Variants in ATRNL1 observed in about 807,000 individuals in gnomAD.
ATRNL1 encodes attractin like 1, also known as attractin-like protein 1.
ATRNL1 carries 95 observed loss-of-function variants against 182.7 expected under a neutral mutation model. The observed-to-expected ratio is 0.52, with a 90% CI of 0.44 to 0.62. The LOEUF (loss-of-function observed/expected upper bound fraction) is 0.62. Among genes scored for constraint, ATRNL1 ranks in the 20% least tolerant of loss-of-function variants. The pLI is 0.00. For synonymous variants in ATRNL1, 576 were observed against 568.3 expected (o/e 1.01, Z -0.19); for missense variants, 1,471 against 1,679.5 (o/e 0.88, Z 2.17).
chr10:115,654,495 A>G (rs1593015319), intron 26 of ATRNL1, among the ~76,000 whole-genome samples: 1 of 152,186 alleles, frequency 6.6e-6, no homozygotes, highest in East Asian at 1.9e-4. Context: ...CAGGGATTAC[A>G]GGCATGAGCA....
At chr10:115,422,686 AT>A (rs1434093145) in intron 20 of ATRNL1, among the ~76,000 whole-genome samples, 1 of 152,232 alleles carries the variant, frequency 6.6e-6, no homozygotes, top group Non-Finnish European at 1.5e-5. Flanking sequence ...ACTTGCAGCT[AT>A]AAAAAAAGAA....
intron 25 of ATRNL1, among the ~76,000 whole-genome samples, chr10:115,544,821 C>A (rs1852553542): frequency 6.6e-6 from 1 of 152,094 alleles, no homozygotes; most frequent in African/African-American, 2.4e-5. Context: ...CCAAGATTGT[C>A]AATAAAGACG....
chr10:115,361,602 A>G (rs1856751913), intron 19 of ATRNL1, among the ~76,000 whole-genome samples: 1 of 152,142 alleles, frequency 6.6e-6, no homozygotes, highest in Admixed American at 6.6e-5. Flanking sequence ...CTTCTTCACA[A>G]TCCTTTAAAA....
intron 20 of ATRNL1, among the ~76,000 whole-genome samples, chr10:115,425,042 G>T (rs1845821441): frequency 6.6e-6 from 1 of 151,860 alleles, no homozygotes; most frequent in African/African-American, 2.4e-5. Context: ...ATCATATTTT[G>T]ACTTTAATTT....
intron 28 of ATRNL1, among the ~76,000 whole-genome samples, chr10:115,876,578 C>T (rs1461650969): frequency 6.6e-6 from 1 of 152,102 alleles, no homozygotes; most frequent in Non-Finnish European, 1.5e-5. Flanking sequence ...GAAGTGAAAT[C>T]TCCAGATTGG....
chr10:115,192,127 T>G lies in ATRNL1; in HGVS notation c.1348+20835T>G, dbSNP rs1425586830. Among the ~76,000 whole-genome samples the G allele has an allele frequency of 2.6e-5, 4 of 152,148 alleles. No individual in the cohort carries two copies. The East Asian group carries it at 7.7e-4, about 29-fold the overall frequency. On this transcript the variant is annotated intron_variant, in intron 8 of 28. Transcript: ENST00000355044. ...TGTGATGCCTTTGCCCATTTTTTGC[T>G]TTGGTTACCTGTGCTTTTGAGGTCC...
chr10:115,519,365 G>T, intron 25 of ATRNL1, 41 bp downstream of exon 25: 1 of 1,501,768 alleles, frequency 6.7e-7, no homozygotes, highest in Non-Finnish European at 9.2e-7. Context: ...TTTCAAGCCT[G>T]TATTCTGATA....
intron 19 of ATRNL1, 125 bp downstream of exon 19, chr10:115,334,544 C>G (rs1855391494): frequency 1.9e-6 from 1 of 528,706 alleles, no homozygotes; most frequent in South Asian, 7.5e-5. Context: ...AGTATGTTTT[C>G]TAAAGTAATA....
At chr10:115,196,101 C>T (rs1450044743) in intron 8 of ATRNL1, among the ~76,000 whole-genome samples, 24 of 152,044 alleles carry the variant, frequency 1.6e-4, no homozygotes, top group Admixed American at 1.6e-3. Flanking sequence ...TTCAAGGCTA[C>T]AGTGAACTAT....
At chr10:115,592,843 A>G (rs1855994655) in intron 26 of ATRNL1, among the ~76,000 whole-genome samples, 1 of 152,196 alleles carries the variant, frequency 6.6e-6, no homozygotes, top group African/African-American at 2.4e-5. Context: ...ATAGTCAGCT[A>G]CATGTGCCTA....
intron 19 of ATRNL1, among the ~76,000 whole-genome samples, chr10:115,386,708 C>T (rs1193816753): frequency 2.0e-5 from 3 of 151,352 alleles, no homozygotes; most frequent in African/African-American, 7.3e-5. Flanking sequence ...TACATGTGCA[C>T]AATGTGCAGG....
chr10:115,453,820 A>C, intron 21 of ATRNL1, among the ~76,000 whole-genome samples: 1 of 145,872 alleles, frequency 6.9e-6, no homozygotes. Context: ...GGGGGGAGGG[A>C]TAGCATTAGG....
intron 25 of ATRNL1, among the ~76,000 whole-genome samples, chr10:115,537,339 C>A (rs1041778617): frequency 1.4e-4 from 22 of 152,148 alleles, no homozygotes; most frequent in Non-Finnish European, 3.1e-4. Flanking sequence ...TCAAACTTAA[C>A]ATGCTTTAAA....
intron 21 of ATRNL1, among the ~76,000 whole-genome samples, chr10:115,444,293 A>T (rs755433891): frequency 3.7e-4 from 56 of 152,130 alleles, no homozygotes; most frequent in Non-Finnish European, 7.1e-4. Context: ...ACAGTAATTA[A>T]GGCAGTGTAG....
At chr10:115,757,792 A>G (rs1948629369) in intron 27 of ATRNL1, among the ~76,000 whole-genome samples, 1 of 152,094 alleles carries the variant, frequency 6.6e-6, no homozygotes. Flanking sequence ...ACTGTCAGGT[A>G]CAACAGTCAA....
intron 26 of ATRNL1, among the ~76,000 whole-genome samples, chr10:115,554,176 T>C (rs1853176312): frequency 6.6e-6 from 1 of 151,532 alleles, no homozygotes; most frequent in South Asian, 2.1e-4. Flanking sequence ...AATATTTCAC[T>C]CAAATAAATG....
chr10:115,348,155 G>C (rs552533210), intron 19 of ATRNL1, among the ~76,000 whole-genome samples: 1 of 152,158 alleles, frequency 6.6e-6, no homozygotes, highest in African/African-American at 2.4e-5. Flanking sequence ...TGTATTTTTA[G>C]TAGAGATGGG....
In ATRNL1 at chr10:115,184,732, G is replaced by A. The variant is rs565564353; in HGVS notation, c.1348+13440G>A. 1.3e-5 allele frequency among the ~76,000 whole-genome samples: 2 copies of A among 151,592 alleles called. 1 individual carries two copies. The highest frequency in any genetic ancestry group is 3.9e-4 in the East Asian group (2 of 5,172). ...ACATATTGAACAATTAAATAAAAAA[G>A]GAAAGGAAGAAAAAAATCATAAAAC... is the stretch of plus-strand genomic sequence containing the variant. On this transcript the variant is annotated intron_variant, in intron 8 of 28. Transcript: ENST00000355044.
At chr10:115,632,904 A>ATTTTATTTTATTTTATTTTATTTTT (rs1858608755) in intron 26 of ATRNL1, among the ~76,000 whole-genome samples, 1 of 149,552 alleles carries the variant, frequency 6.7e-6, no homozygotes, top group Non-Finnish European at 1.5e-5. Flanking sequence ...ATTTTATTTT[A>ATTTTATTTTATTTTATTTTATTTTT]TTTTTTGAGA....
Sources: gnomAD v4.1 joint callset for allele counts (sites outside exome capture counted in the v4.1 genomes callset) on GRCh38, gnomAD v4.1.1 for gene constraint, MANE v1.5 for transcripts, NCBI Gene and HGNC (gene_info 2026-07-23, HGNC 2026-07-21) for gene names.